The following CTIF variants were observed in gnomAD, a reference collection of about 807,000 sequenced individuals.
CTIF encodes CBP80/20-dependent translation initiation factor.
A neutral mutation model predicts 66.0 loss-of-function variants in CTIF; 21 were observed. The observed-to-expected ratio is 0.32, with a 90% CI of 0.23 to 0.46. The LOEUF (loss-of-function observed/expected upper bound fraction) is 0.46. Ranked by LOEUF, CTIF falls within the 20% of genes least tolerant of loss-of-function variation. CTIF has a pLI of 1.00. For missense variants in CTIF, 739 were observed against 812.7 expected, an observed-to-expected ratio of 0.91 and a Z score of 1.10; for synonymous variants, 345 against 326.4, an observed-to-expected ratio of 1.06 and a Z score of -0.62.
chr18:48,742,409 C>T (rs1243859025), intron 7 of CTIF, among the ~76,000 whole-genome samples: 1 of 152,216 alleles, frequency 6.6e-6, no homozygotes, highest in East Asian at 1.9e-4. Flanking sequence ...CTTGTGGATG[C>T]TCCCCAAAGG....
At chr18:48,724,791 C>T (rs542544509) in intron 7 of CTIF, among the ~76,000 whole-genome samples, 2 of 152,298 alleles carry the variant, frequency 1.3e-5, no homozygotes, top group East Asian at 1.9e-4. Context: ...GGGCAAGCCC[C>T]GGGATCCTGA....
intron 9 of CTIF, among the ~76,000 whole-genome samples, chr18:48,801,579 T>C (rs1235128268): frequency 1.3e-5 from 2 of 152,236 alleles, no homozygotes; most frequent in East Asian, 3.8e-4. Context: ...CATTCTGGAA[T>C]CCCCATTATA....
intron 7 of CTIF, among the ~76,000 whole-genome samples, chr18:48,734,615 C>T (rs2092483906): frequency 6.6e-6 from 1 of 152,196 alleles, no homozygotes; most frequent in Non-Finnish European, 1.5e-5. Flanking sequence ...CATTGGGGTT[C>T]ATTTGCATCC....
intron 10 of CTIF, among the ~76,000 whole-genome samples, chr18:48,830,625 G>A (rs541169504): frequency 1.3e-5 from 2 of 152,288 alleles, no homozygotes; most frequent in South Asian, 2.1e-4. Context: ...GGGAAAAAAT[G>A]TGGAAGAACA....
intron 3 of CTIF, among the ~76,000 whole-genome samples, chr18:48,640,151 C>A (rs1264852013): frequency 6.6e-6 from 1 of 152,162 alleles, no homozygotes; most frequent in Non-Finnish European, 1.5e-5. Flanking sequence ...TTCAGCCTGG[C>A]CCACCAGAGG....
intron 6 of CTIF, among the ~76,000 whole-genome samples, chr18:48,695,626 G>A (rs10048289): frequency 0.13 from 19,356 of 152,142 alleles, 2,672 homozygotes; most frequent in African/African-American, 0.35. Context: ...ATAGATAATC[G>A]TAGTACCTAT....
chr18:48,568,873 A>G (rs4939780), intron 1 of CTIF, among the ~76,000 whole-genome samples: 96,792 of 151,792 alleles, frequency 0.64, 32,010 homozygotes, highest in East Asian at 0.93. Flanking sequence ...CCACGATTCA[A>G]TTATCTCCCA....
chr18:48,803,209 G>C (rs1004489208), intron 9 of CTIF, among the ~76,000 whole-genome samples: 1 of 152,244 alleles, frequency 6.6e-6, no homozygotes, highest in African/African-American at 2.4e-5. Context: ...GAGTGATCCA[G>C]ATTTAGCTGG....
chr18:48,585,211 T>A (rs2089741152), intron 1 of CTIF, among the ~76,000 whole-genome samples: 1 of 152,254 alleles, frequency 6.6e-6, no homozygotes, highest in Non-Finnish European at 1.5e-5. Context: ...TGCATCTTCT[T>A]GGGGTGTTAA....
intron 7 of CTIF, among the ~76,000 whole-genome samples, chr18:48,728,651 G>T (rs2092407776): frequency 6.6e-6 from 1 of 152,052 alleles, no homozygotes; most frequent in African/African-American, 2.4e-5. Flanking sequence ...CTGGCTGTTG[G>T]CTGGAGGCTT....
intron 9 of CTIF, among the ~76,000 whole-genome samples, chr18:48,803,003 C>T (rs1334110638): frequency 6.6e-6 from 1 of 152,234 alleles, no homozygotes; most frequent in African/African-American, 2.4e-5. Flanking sequence ...AATAAGGCTT[C>T]GCGCCTGCCT....
At chr18:48,677,710 C>T (rs553941081) in intron 6 of CTIF, among the ~76,000 whole-genome samples, 4 of 152,244 alleles carry the variant, frequency 2.6e-5, no homozygotes, top group African/African-American at 7.2e-5. Context: ...CAGCGCCTGT[C>T]GCATGTTTGC....
At chr18:48,656,552 C>A (rs1401250021) in intron 3 of CTIF, among the ~76,000 whole-genome samples, 2 of 152,138 alleles carry the variant, frequency 1.3e-5, no homozygotes, top group Non-Finnish European at 2.9e-5. Context: ...GAGGCCTTCC[C>A]AGAGACAACT....
At chr18:48,556,542 C>T (rs2089026086) in intron 1 of CTIF, among the ~76,000 whole-genome samples, 1 of 152,182 alleles carries the variant, frequency 6.6e-6, no homozygotes, top group African/African-American at 2.4e-5. Context: ...GGCTTGTTAC[C>T]CACTCAGCTG....
chr18:48,804,535 G>A (rs143812138), intron 9 of CTIF, among the ~76,000 whole-genome samples: 253 of 152,312 alleles, frequency 1.7e-3, no homozygotes, highest in Non-Finnish European at 1.2e-3. Flanking sequence ...GGTCGGGGGC[G>A]GCCAGGTCCG....
intron 6 of CTIF, among the ~76,000 whole-genome samples, chr18:48,678,994 C>A (rs2091693694): frequency 6.6e-6 from 1 of 152,246 alleles, no homozygotes; most frequent in African/African-American, 2.4e-5. Context: ...TGTGCCACAG[C>A]CACTTGCTGT....
rs1371216171 is a variant in CTIF at position 48,541,475 on chromosome 18, A to AG, written c.-29+2166dup. Among the ~76,000 whole-genome samples, 11 of 152,352 alleles carry AG rather than the reference A, an allele frequency of 7.2e-5. No individual in the cohort carries two copies. In the East Asian group the frequency reaches 2.1e-3, roughly 29 times the overall value. On this transcript the variant is annotated intron_variant, in intron 1 of 11. Transcript: ENST00000256413. Reference sequence around the variant, plus strand: ...TGTCCGTTCCCAGTTCCTCCTGCCCAGGGCCCGATCTGGGCTGAAAACCTC... The same window carrying AG: ...TGTCCGTTCCCAGTTCCTCCTGCCCAGGGGCCCGATCTGGGCTGAAAACCTC...
Position 48,675,933 on chromosome 18 carries a change from A to G in CTIF, c.507+5189A>G, listed in dbSNP as rs1423676633. 3.9e-5 allele frequency among the ~76,000 whole-genome samples: 6 copies of G among 152,322 alleles called. No homozygotes were observed. In the East Asian group the frequency reaches 1.2e-3, roughly 29 times the overall value. On this transcript the variant is annotated intron_variant, in intron 6 of 11. Coordinates refer to ENST00000256413, the MANE Select transcript of CTIF (RefSeq NM_014772.3). The stretch of plus-strand genomic sequence containing the variant: ...TCTGAATTAACTTGACTAAGTTCCA[A>G]GTTAACTTGACCAAGTTCCATGTGA...
At chr18:48,852,357 T>C (rs2146635810) in intron 10 of CTIF, among the ~76,000 whole-genome samples, 1 of 148,268 alleles carries the variant, frequency 6.7e-6, no homozygotes, top group Non-Finnish European at 1.5e-5. Flanking sequence ...CCGATCCCAG[T>C]CCCAGACAGT....
Sources: allele counts gnomAD v4.1 joint callset (sites outside exome capture counted in the v4.1 genomes callset), GRCh38; gene constraint gnomAD v4.1.1; transcripts MANE v1.5; gene names NCBI Gene and HGNC (gene_info 2026-07-23, HGNC 2026-07-21).